JAZF1: variants seen among roughly 807,000 people sequenced by gnomAD.
JAZF1 encodes the protein juxtaposed with another zinc finger protein 1.
JAZF1 carries 8 observed loss-of-function variants against 26.4 expected under a neutral mutation model. The ratio of observed to expected loss-of-function variants is 0.30; its 90% CI spans 0.18 to 0.55. The LOEUF is 0.55. Ranked by LOEUF, JAZF1 falls within the 20% of genes least tolerant of loss-of-function variation. The pLI is 0.94. For missense variants in JAZF1, 199 were observed against 322.0 expected, an observed-to-expected ratio of 0.62 and a Z score of 2.92; for synonymous variants, 126 against 122.3, an observed-to-expected ratio of 1.03 and a Z score of -0.20.
chr7:27,846,665 G>A, intron 3 of JAZF1: 1 of 366,620 alleles, frequency 2.7e-6, no homozygotes, highest in South Asian at 2.2e-5. Flanking sequence ...GCTCTTTTAA[G>A]TGCTAGCTCA....
At chr7:27,974,872 G>A (rs1263360574) in intron 2 of JAZF1, among the ~76,000 whole-genome samples, 1 of 135,820 alleles carries the variant, frequency 7.4e-6, no homozygotes, top group Non-Finnish European at 1.5e-5. Context: ...TTGGCTTCTG[G>A]GGAGGCCTTA....
intron 1 of JAZF1, among the ~76,000 whole-genome samples, chr7:28,142,781 T>G (rs1051410834): frequency 3.9e-5 from 6 of 152,106 alleles, no homozygotes; most frequent in Non-Finnish European, 7.4e-5. Context: ...CAACCTAGCA[T>G]GAGATGCAGG....
intron 1 of JAZF1, among the ~76,000 whole-genome samples, chr7:28,136,483 A>C (rs1782888371): frequency 6.6e-6 from 1 of 152,266 alleles, no homozygotes; most frequent in Non-Finnish European, 1.5e-5. Context: ...TGAGTCTAGA[A>C]ACAGCAGCGT....
At chr7:27,888,529 A>G (rs892665003) in intron 3 of JAZF1, among the ~76,000 whole-genome samples, 2 of 152,170 alleles carry the variant, frequency 1.3e-5, no homozygotes, top group African/African-American at 4.8e-5. Flanking sequence ...GCCAAGCAAA[A>G]TTCTATCAGT....
At chr7:27,869,441 A>G (rs915829239) in intron 3 of JAZF1, among the ~76,000 whole-genome samples, 5 of 152,018 alleles carry the variant, frequency 3.3e-5, no homozygotes, top group African/African-American at 1.2e-4. Context: ...TATTTTGGGG[A>G]CTCTAGACAG....
At chr7:27,871,948 G>A (rs1331378650) in intron 3 of JAZF1, among the ~76,000 whole-genome samples, 1 of 152,146 alleles carries the variant, frequency 6.6e-6, no homozygotes, top group African/African-American at 2.4e-5. Flanking sequence ...TCCGTTCAGC[G>A]GGGCTCACTT....
chr7:27,848,363 T>C (rs1386717651), intron 3 of JAZF1, among the ~76,000 whole-genome samples: 1 of 152,238 alleles, frequency 6.6e-6, no homozygotes, highest in Non-Finnish European at 1.5e-5. Context: ...TATTTGTGTA[T>C]GGACATGCTA....
At chr7:28,028,680 T>C (rs1028075988) in intron 1 of JAZF1, among the ~76,000 whole-genome samples, 2 of 152,224 alleles carry the variant, frequency 1.3e-5, no homozygotes, top group African/African-American at 4.8e-5. Context: ...AATGTCTCCT[T>C]TGCCTCAACA....
intron 3 of JAZF1, among the ~76,000 whole-genome samples, chr7:27,873,575 C>T (rs946530094): frequency 2.6e-5 from 4 of 152,294 alleles, no homozygotes; most frequent in African/African-American, 9.6e-5. Context: ...TTCTTGAAAA[C>T]CTCTCAAATG....
In JAZF1 at chr7:28,172,748, G is replaced by C. The variant is rs1462800845; in HGVS notation, c.115+7715C>G. Among the ~76,000 whole-genome samples, 4 of 152,124 alleles carry C rather than the reference G, an allele frequency of 2.6e-5. No individual in the cohort carries two copies. In the East Asian group the frequency reaches 7.7e-4, roughly 29 times the overall value. The stretch of plus-strand genomic sequence containing the variant: ...AATTCTCTCTCTGACCCTCCCCTTT[G>C]TGTAAGGACCCCAGGTAAGCTGGCA... On this transcript the variant is annotated intron_variant, in intron 1 of 4. Coordinates refer to ENST00000283928, the MANE Select transcript of JAZF1 (RefSeq NM_175061.4).
At chr7:28,090,343 T>C (rs1198786662) in intron 1 of JAZF1, among the ~76,000 whole-genome samples, 1 of 152,206 alleles carries the variant, frequency 6.6e-6, no homozygotes, top group Non-Finnish European at 1.5e-5. Flanking sequence ...AAGATGCTAA[T>C]ATCCAGTCAA....
chr7:28,062,787 T>A (rs534958020), intron 1 of JAZF1, among the ~76,000 whole-genome samples: 1 of 152,238 alleles, frequency 6.6e-6, no homozygotes, highest in Non-Finnish European at 1.5e-5. Context: ...TACTCTCCTA[T>A]CTTAGTTTAG....
intron 1 of JAZF1, among the ~76,000 whole-genome samples, chr7:28,057,937 T>C (rs1193975647): frequency 6.6e-6 from 1 of 152,236 alleles, no homozygotes; most frequent in Non-Finnish European, 1.5e-5. Context: ...AAAAGTTTTT[T>C]CCACTTAATT....
intron 2 of JAZF1, among the ~76,000 whole-genome samples, chr7:27,947,888 G>T (rs1784943006): frequency 6.6e-6 from 1 of 152,140 alleles, no homozygotes; most frequent in South Asian, 2.1e-4. Flanking sequence ...TAACAGCTGG[G>T]TGTCTCAGAC....
chr7:28,092,228 AT>A (rs890835486), intron 1 of JAZF1, among the ~76,000 whole-genome samples: 10 of 126,524 alleles, frequency 7.9e-5, no homozygotes, highest in Admixed American at 9.6e-5. Context: ...ATTAGTTTCA[AT>A]TTTTTTTTTA....
At position 28,095,715 on chromosome 7, in the gene JAZF1, C is replaced by G. The variant is rs368625786; in HGVS notation, c.115+84748G>C. 1.4e-4 allele frequency among the ~76,000 whole-genome samples: 22 copies of G among 152,324 alleles called. No homozygotes were observed. In the South Asian group the frequency reaches 3.9e-3, roughly 27 times the overall value. The stretch of plus-strand genomic sequence containing the variant: ...CAACAGGTAATCATGGTCCCCTCCG[C>G]TGAACGTCAAATCCCTGTGAGATCC... On this transcript the variant is annotated intron_variant, in intron 1 of 4. Transcript: ENST00000283928.
At chr7:27,966,518 G>T (rs971917631) in intron 2 of JAZF1, among the ~76,000 whole-genome samples, 1 of 152,122 alleles carries the variant, frequency 6.6e-6, no homozygotes, top group African/African-American at 2.4e-5. Flanking sequence ...AAGTTCACAG[G>T]GGTAGTCCAG....
chr7:28,111,833 G>A (rs1036375616), intron 1 of JAZF1, among the ~76,000 whole-genome samples: 1 of 152,194 alleles, frequency 6.6e-6, no homozygotes, highest in Non-Finnish European at 1.5e-5. Flanking sequence ...GGAGAAGTAG[G>A]GTGGCTCTGT....
chr7:28,007,385 A>G lies in JAZF1; in HGVS notation c.116-15404T>C, dbSNP rs561817979. Reference sequence around the variant, plus strand: ...GGAGTTCGAGATCAATCCGACCAACATGGTGAAACCCTGTCTCTACTAAAA... The same window carrying G: ...GGAGTTCGAGATCAATCCGACCAACGTGGTGAAACCCTGTCTCTACTAAAA... On this transcript the variant is annotated intron_variant, in intron 1 of 4. Transcript: ENST00000283928. 1.8e-3 allele frequency among the ~76,000 whole-genome samples: 278 copies of G among 152,258 alleles called. 1 individual carries two copies. Among genetic ancestry groups the G allele is most frequent in the African/African-American group, 5.9e-3 (245 of 41,538 alleles).
Sources: allele counts gnomAD v4.1 joint callset (sites outside exome capture counted in the v4.1 genomes callset), GRCh38; gene constraint gnomAD v4.1.1; transcripts MANE v1.5; gene names NCBI Gene and HGNC (gene_info 2026-07-23, HGNC 2026-07-21).